Variants in RBFOX1 observed in about 807,000 individuals in gnomAD.
RBFOX1 encodes RNA binding protein fox-1 homolog 1.
RBFOX1 carries 8 observed loss-of-function variants against 57.7 expected under a neutral mutation model. That is an observed-to-expected ratio of 0.14 (90% CI 0.08 to 0.25). The LOEUF (loss-of-function observed/expected upper bound fraction) is 0.25, where lower values mean the gene tolerates loss of function less well. RBFOX1 is among the 10% of genes least tolerant of loss of function. The pLI, the probability that RBFOX1 is intolerant of heterozygous loss-of-function variation, is 1.00. For synonymous variants in RBFOX1, 326 were observed against 222.4 expected, an observed-to-expected ratio of 1.47 and a Z score of -4.15; for missense variants, 611 against 548.5, an observed-to-expected ratio of 1.11 and a Z score of -1.14.
chr16:7,230,135 G>A (rs981135091), intron 4 of RBFOX1, among the ~76,000 whole-genome samples: 13 of 150,812 alleles, frequency 8.6e-5, no homozygotes, highest in African/African-American at 2.4e-4. Context: ...AGGGAAGGAA[G>A]GCCTCCTCAT....
chr16:5,516,951 G>A (rs975069939), intron 2 of RBFOX1, among the ~76,000 whole-genome samples: 10 of 151,034 alleles, frequency 6.6e-5, no homozygotes, highest in African/African-American at 2.2e-4. Context: ...TTTCTTAATA[G>A]CAATGTGAGA....
At chr16:6,929,626 A>G (rs376371010) in intron 3 of RBFOX1, among the ~76,000 whole-genome samples, 2 of 151,878 alleles carry the variant, frequency 1.3e-5, no homozygotes, top group South Asian at 2.1e-4. Context: ...ACCAAATTCA[A>G]TTTTTCTCAC....
intron 4 of RBFOX1, among the ~76,000 whole-genome samples, chr16:7,171,921 G>A (rs2080778263): frequency 6.6e-6 from 1 of 152,176 alleles, no homozygotes. Context: ...TCCTCAGGTA[G>A]AACAATTTCC....
chr16:6,942,620 A>T (rs148306268), intron 3 of RBFOX1, among the ~76,000 whole-genome samples: 1 of 152,202 alleles, frequency 6.6e-6, no homozygotes, highest in Non-Finnish European at 1.5e-5. Context: ...TTTTCAGTGC[A>T]GGAGACGGTG....
intron 4 of RBFOX1, among the ~76,000 whole-genome samples, chr16:7,158,561 G>T (rs2077617076): frequency 6.6e-6 from 1 of 152,032 alleles, no homozygotes. Context: ...CTATGTCTGT[G>T]TGGTGTGTGT....
intron 4 of RBFOX1, among the ~76,000 whole-genome samples, chr16:5,993,226 C>T (rs1248524284): frequency 6.6e-6 from 1 of 152,198 alleles, no homozygotes; most frequent in Non-Finnish European, 1.5e-5. Flanking sequence ...GTAACTGTTA[C>T]TGGCTGGGCT....
At chr16:7,709,025 G>C in intron 14 of RBFOX1, 31 bp from the exon 15 acceptor site, 1 of 1,570,294 alleles carries the variant, frequency 6.4e-7, no homozygotes, top group Non-Finnish European at 8.8e-7. Context: ...TGCATACTGT[G>C]GATCAATCTT....
intron 4 of RBFOX1, among the ~76,000 whole-genome samples, chr16:5,918,282 G>T (rs2058751008): frequency 6.6e-6 from 1 of 152,090 alleles, no homozygotes; most frequent in African/African-American, 2.4e-5. Flanking sequence ...ACCATGCCTG[G>T]CTAATTTTTG....
At chr16:5,962,877 AAG>A (rs2059777222) in intron 4 of RBFOX1, among the ~76,000 whole-genome samples, 1 of 150,842 alleles carries the variant, frequency 6.6e-6, no homozygotes, top group Non-Finnish European at 1.5e-5. Context: ...CCTTGAGAGA[AAG>A]AATTTCCTTT....
chr16:5,986,520 C>T (rs190698979), intron 4 of RBFOX1, among the ~76,000 whole-genome samples: 56 of 152,338 alleles, frequency 3.7e-4, no homozygotes, highest in African/African-American at 4.1e-4. Context: ...GTGTCCCTTT[C>T]ATACCCACAT....
At chr16:6,184,016 A>C (rs1489134791) in intron 1 of RBFOX1, among the ~76,000 whole-genome samples, 2 of 152,124 alleles carry the variant, frequency 1.3e-5, no homozygotes, top group African/African-American at 2.4e-5. Context: ...GGCTGGGGAG[A>C]CCGCACAATC....
intron 2 of RBFOX1, among the ~76,000 whole-genome samples, chr16:5,581,348 A>G (rs1040856849): frequency 6.6e-6 from 1 of 152,222 alleles, no homozygotes; most frequent in Non-Finnish European, 1.5e-5. Flanking sequence ...GGAATAAGCC[A>G]TTTGTGTAAT....
intron 2 of RBFOX1, among the ~76,000 whole-genome samples, chr16:6,557,148 C>CACACATATATAT (rs1038024057): frequency 7.0e-6 from 1 of 142,944 alleles, no homozygotes; most frequent in East Asian, 2.0e-4. Flanking sequence ...TACATATATA[C>CACACATATATAT]ACACATATAT....
At chr16:7,664,521 A>T (rs777498292) in intron 12 of RBFOX1, among the ~76,000 whole-genome samples, 1 of 152,104 alleles carries the variant, frequency 6.6e-6, no homozygotes, top group Non-Finnish European at 1.5e-5. Flanking sequence ...CCGATTTTTA[A>T]ATAGATGTTT....
intron 3 of RBFOX1, among the ~76,000 whole-genome samples, chr16:6,676,414 A>G (rs1488164436): frequency 1.3e-5 from 2 of 152,062 alleles, no homozygotes; most frequent in Non-Finnish European, 2.9e-5. Flanking sequence ...GTCAACTCTC[A>G]ATAGTAAATA....
chr16:6,609,854 G>GA (rs1288303498), intron 2 of RBFOX1, among the ~76,000 whole-genome samples: 1 of 151,794 alleles, frequency 6.6e-6, no homozygotes, highest in African/African-American at 2.4e-5. Flanking sequence ...GTAAATATAT[G>GA]AAAAATAGCT....
chr16:6,196,373 A>T (rs951684302), intron 1 of RBFOX1, among the ~76,000 whole-genome samples: 13 of 152,210 alleles, frequency 8.5e-5, no homozygotes, highest in Non-Finnish European at 4.4e-5. Flanking sequence ...ATCATCTATG[A>T]AATTGACAGG....
chr16:6,457,236 C>T (rs1787770012), intron 2 of RBFOX1, among the ~76,000 whole-genome samples: 2 of 152,050 alleles, frequency 1.3e-5, no homozygotes, highest in Non-Finnish European at 1.5e-5. Context: ...AGAAAATCAG[C>T]AGGAAATAGT....
At chr16:6,576,088 C>G (rs539953349) in intron 2 of RBFOX1, among the ~76,000 whole-genome samples, 2 of 152,028 alleles carry the variant, frequency 1.3e-5, no homozygotes, top group Non-Finnish European at 2.9e-5. Flanking sequence ...ACCTTCATAC[C>G]GCATTGTTTA....
Sources: gnomAD v4.1 joint callset for allele counts (sites outside exome capture counted in the v4.1 genomes callset) on GRCh38, gnomAD v4.1.1 for gene constraint, MANE v1.5 for transcripts, NCBI Gene and HGNC (gene_info 2026-07-23, HGNC 2026-07-21) for gene names.